The following SMYD3 variants were observed in gnomAD, a reference collection of about 807,000 sequenced individuals.
SMYD3 encodes the protein SET and MYND domain containing 3.
SMYD3 carries 36 observed loss-of-function variants against 57.7 expected under a neutral mutation model. That is an observed-to-expected ratio of 0.62 (90% CI 0.48 to 0.82). SMYD3 has a LOEUF of 0.82. SMYD3 is among the 40% of genes least tolerant of loss of function. SMYD3 has a pLI of 0.00. For synonymous variants in SMYD3, 211 were observed against 195.0 expected (o/e 1.08, Z -0.68); for missense variants, 515 against 538.8 (o/e 0.96, Z 0.44).
intron 10 of SMYD3, among the ~76,000 whole-genome samples, chr1:245,831,607 C>T (rs575265722): frequency 2.0e-5 from 3 of 152,338 alleles, no homozygotes; most frequent in Non-Finnish European, 2.9e-5. Context: ...GGACCAAGTT[C>T]GCCAGAGTAT....
chr1:245,855,771 T>C (rs1415423754), intron 10 of SMYD3, among the ~76,000 whole-genome samples: 2 of 152,162 alleles, frequency 1.3e-5, no homozygotes, highest in African/African-American at 4.8e-5. Flanking sequence ...AGGCCATAAT[T>C]TGGATTAAAA....
At chr1:245,853,724 G>GA (rs11296267) in intron 10 of SMYD3, among the ~76,000 whole-genome samples, 18 of 151,098 alleles carry the variant, frequency 1.2e-4, no homozygotes, top group South Asian at 4.2e-4. Flanking sequence ...AAAAAAAGGA[G>GA]AAAAAAAAAA....
intron 5 of SMYD3, among the ~76,000 whole-genome samples, chr1:246,119,688 C>A (rs1339219467): frequency 1.3e-5 from 2 of 152,194 alleles, no homozygotes; most frequent in African/African-American, 4.8e-5. Context: ...GCTGCCATTA[C>A]AGGCATAAGC....
chr1:246,328,370 A>G (rs745319137), intron 4 of SMYD3, among the ~76,000 whole-genome samples: 4 of 152,232 alleles, frequency 2.6e-5, no homozygotes, highest in Non-Finnish European at 5.9e-5. Flanking sequence ...TCAATTAATA[A>G]CATGTGAGAG....
At chr1:246,459,231 C>T (rs1056739877) in intron 1 of SMYD3, among the ~76,000 whole-genome samples, 1 of 151,532 alleles carries the variant, frequency 6.6e-6, no homozygotes, top group African/African-American at 2.4e-5. Flanking sequence ...GACACGTCCC[C>T]CTTCACTCTC....
At chr1:245,762,201 G>A (rs1287452972) in intron 11 of SMYD3, among the ~76,000 whole-genome samples, 2 of 152,158 alleles carry the variant, frequency 1.3e-5, no homozygotes, top group African/African-American at 2.4e-5. Context: ...CTCCAAACCT[G>A]AGCGCCTTCA....
chr1:246,179,535 G>A (rs1420298955), intron 5 of SMYD3, among the ~76,000 whole-genome samples: 1 of 152,166 alleles, frequency 6.6e-6, no homozygotes, highest in African/African-American at 2.4e-5. Context: ...ATCCAGGAAT[G>A]TTTCTTATGA....
chr1:245,889,780 A>T lies in SMYD3; in HGVS notation c.813+25750T>A, dbSNP rs147428264. Among the ~76,000 whole-genome samples, 896 of 152,308 alleles carry T rather than the reference A, an allele frequency of 5.9e-3. 21 individuals carry two copies. The South Asian group carries it at 0.067, about 11-fold the overall frequency. On this transcript the variant is annotated intron_variant, in intron 8 of 11. Transcript: ENST00000490107. The stretch of plus-strand genomic sequence containing the variant: ...AACCACAAAAGGTCCAGAATAGCCA[A>T]AGCCATTCTGAGCAAAAAGAACAAA...
At chr1:246,191,688 G>A (rs965227737) in intron 5 of SMYD3, among the ~76,000 whole-genome samples, 7 of 152,188 alleles carry the variant, frequency 4.6e-5, no homozygotes, top group Non-Finnish European at 8.8e-5. Flanking sequence ...TCTGGTACCT[G>A]TTCAACCATT....
intron 8 of SMYD3, among the ~76,000 whole-genome samples, chr1:245,872,534 C>G (rs2052264479): frequency 6.6e-6 from 1 of 152,196 alleles, no homozygotes; most frequent in African/African-American, 2.4e-5. Context: ...CCCGTCACTC[C>G]CTTGGATCCA....
intron 5 of SMYD3, among the ~76,000 whole-genome samples, chr1:246,221,897 C>T (rs888290499): frequency 1.3e-5 from 2 of 152,180 alleles, no homozygotes; most frequent in Non-Finnish European, 2.9e-5. Flanking sequence ...CCACCAGTCA[C>T]ATGTTTCCGG....
chr1:246,006,209 A>T (rs552545098), intron 5 of SMYD3, among the ~76,000 whole-genome samples: 2 of 151,772 alleles, frequency 1.3e-5, no homozygotes, highest in East Asian at 3.9e-4. Flanking sequence ...TGGATTTTAA[A>T]GTTGTTAAAG....
chr1:246,247,253 G>A (rs2063719262), intron 5 of SMYD3, among the ~76,000 whole-genome samples: 1 of 152,026 alleles, frequency 6.6e-6, no homozygotes, highest in Non-Finnish European at 1.5e-5. Context: ...ATGTGTGCAA[G>A]TACAGAAGAA....
chr1:246,340,815 T>C (rs978037387), intron 2 of SMYD3, among the ~76,000 whole-genome samples: 36 of 152,148 alleles, frequency 2.4e-4, no homozygotes, highest in African/African-American at 8.7e-4. Context: ...AAAAAAATTT[T>C]TTTTAGTTAG....
chr1:245,814,432 A>G, intron 10 of SMYD3: 1 of 961,810 alleles, frequency 1.0e-6, no homozygotes, highest in Non-Finnish European at 1.2e-6. Flanking sequence ...GCAAAAAAAA[A>G]ATAAAAACGA....
intron 5 of SMYD3, among the ~76,000 whole-genome samples, chr1:245,994,139 C>T (rs1381895459): frequency 2.0e-5 from 3 of 152,158 alleles, no homozygotes; most frequent in Non-Finnish European, 2.9e-5. Context: ...AATAAAATGT[C>T]GGAAGAGTTT....
chr1:246,252,740 T>C (rs1205829915), intron 5 of SMYD3, among the ~76,000 whole-genome samples: 2 of 152,174 alleles, frequency 1.3e-5, no homozygotes, highest in African/African-American at 4.8e-5. Context: ...CCAAAACCTA[T>C]AGAATTTGTG....
intron 11 of SMYD3, among the ~76,000 whole-genome samples, chr1:245,758,567 C>A (rs2045706657): frequency 6.6e-6 from 1 of 152,144 alleles, no homozygotes; most frequent in African/African-American, 2.4e-5. Flanking sequence ...TTCACATTCA[C>A]CAATTCATTC....
At chr1:246,400,990 A>C (rs1428661293) in intron 1 of SMYD3, among the ~76,000 whole-genome samples, 2 of 152,246 alleles carry the variant, frequency 1.3e-5, no homozygotes, top group Non-Finnish European at 2.9e-5. Context: ...CTCATAAATC[A>C]AAAGAAACTG....
Sources: gnomAD v4.1 joint callset for allele counts (sites outside exome capture counted in the v4.1 genomes callset) on GRCh38, gnomAD v4.1.1 for gene constraint, MANE v1.5 for transcripts, NCBI Gene and HGNC (gene_info 2026-07-23, HGNC 2026-07-21) for gene names.